Variants in DAB1 observed in about 807,000 individuals in gnomAD.
DAB1 encodes disabled homolog 1.
A neutral mutation model predicts 64.6 loss-of-function variants in DAB1; 15 were observed. The observed-to-expected ratio is 0.23, with a 90% confidence interval of 0.16 to 0.36. The LOEUF (loss-of-function observed/expected upper bound fraction) is 0.36, where lower values mean the gene tolerates loss of function less well. DAB1 is among the 10% of genes least tolerant of loss of function. The pLI is 1.00. For synonymous variants in DAB1, 235 were observed against 251.9 expected (o/e 0.93, Z 0.64); for missense variants, 596 against 706.7 (o/e 0.84, Z 1.78).
chr1:58,233,718 C>A (rs1416518464), intron 4 of DAB1, among the ~76,000 whole-genome samples: 2 of 152,188 alleles, frequency 1.3e-5, no homozygotes, highest in African/African-American at 4.8e-5. Context: ...TCCAGAAGGT[C>A]TGACTCCAAA....
intron 1 of DAB1, among the ~76,000 whole-genome samples, chr1:57,395,142 A>G (rs975323098): frequency 1.3e-5 from 2 of 152,140 alleles, no homozygotes; most frequent in Non-Finnish European, 2.9e-5. Context: ...CTCATGCCTC[A>G]GCCTCTTGAG....
chr1:58,129,803 C>T lies in DAB1; in HGVS notation n.387+20708G>A, dbSNP rs1170576175. On this transcript the variant is annotated intron_variant and non_coding_transcript_variant, in intron 5 of 20. Transcript: ENST00000485760. ...TTCTTAATCCTGAGTTCTGTTTGAT[C>T]GCACTGTGGTCTGAGAGATAGTTTG... Among the ~76,000 whole-genome samples the T allele has an allele frequency of 7.2e-5, 11 of 152,150 alleles. No individual in the cohort carries two copies. In the South Asian group the frequency reaches 1.0e-3, roughly 14 times the overall value.
At chr1:58,345,514 T>A (rs1226236017) in intron 3 of DAB1, among the ~76,000 whole-genome samples, 1 of 152,176 alleles carries the variant, frequency 6.6e-6, no homozygotes, top group Non-Finnish European at 1.5e-5. Context: ...GGGCTTCCCT[T>A]AACAGAACAA....
At chr1:57,098,175 C>A (rs1415390300) in intron 4 of DAB1, among the ~76,000 whole-genome samples, 1 of 152,142 alleles carries the variant, frequency 6.6e-6, no homozygotes, top group African/African-American at 2.4e-5. Context: ...TTTGATTATT[C>A]TTTACAACTT....
intron 5 of DAB1, among the ~76,000 whole-genome samples, chr1:58,145,251 T>C (rs1331869482): frequency 6.6e-6 from 1 of 152,212 alleles, no homozygotes; most frequent in Admixed American, 6.5e-5. Context: ...CTCATGGGAC[T>C]TTTTTGGGGC....
chr1:57,954,461 T>C (rs933320482), intron 5 of DAB1, among the ~76,000 whole-genome samples: 1 of 152,070 alleles, frequency 6.6e-6, no homozygotes, highest in Non-Finnish European at 1.5e-5. Context: ...GTCCAGGAGT[T>C]ACAATGATCA....
chr1:58,138,651 G>A (rs745986529), intron 5 of DAB1, among the ~76,000 whole-genome samples: 1 of 152,122 alleles, frequency 6.6e-6, no homozygotes, highest in Non-Finnish European at 1.5e-5. Flanking sequence ...GCCACTAAAG[G>A]TTTCTGAGTA....
At chr1:57,447,814 T>C (rs1238012408) in intron 7 of DAB1, among the ~76,000 whole-genome samples, 1 of 151,922 alleles carries the variant, frequency 6.6e-6, no homozygotes, top group Non-Finnish European at 1.5e-5. Context: ...CTCCTTTAGG[T>C]TGTGGTCAGA....
At chr1:58,197,675 T>C (rs571310613) in intron 4 of DAB1, among the ~76,000 whole-genome samples, 7 of 150,496 alleles carry the variant, frequency 4.7e-5, no homozygotes, top group Admixed American at 1.3e-4. Context: ...ATTACAGGCA[T>C]GAGCCACCAT....
intron 5 of DAB1, among the ~76,000 whole-genome samples, chr1:58,127,319 C>T (rs796870777): frequency 0.014 from 2,044 of 151,132 alleles, 52 homozygotes; most frequent in South Asian, 0.083. Context: ...TGTTTTTTTC[C>T]TGCAAATTTG....
intron 1 of DAB1, among the ~76,000 whole-genome samples, chr1:57,861,367 C>T (rs1432857759): frequency 1.3e-5 from 2 of 152,190 alleles, no homozygotes; most frequent in Non-Finnish European, 2.9e-5. Context: ...CTGATGAGGG[C>T]CCTCTTCTGG....
chr1:58,304,016 A>C (rs968407404), intron 4 of DAB1, among the ~76,000 whole-genome samples: 1 of 152,076 alleles, frequency 6.6e-6, no homozygotes, highest in Admixed American at 6.6e-5. Context: ...CAGTTTAGTA[A>C]AATTTTGATT....
intron 4 of DAB1, among the ~76,000 whole-genome samples, chr1:58,235,224 A>G (rs1659964130): frequency 6.6e-6 from 1 of 152,222 alleles, no homozygotes; most frequent in Admixed American, 6.5e-5. Context: ...GCATCCTGTG[A>G]AGGAAGTCTG....
intron 7 of DAB1, among the ~76,000 whole-genome samples, chr1:57,541,248 C>T (rs2101449532): frequency 6.6e-6 from 1 of 152,020 alleles, no homozygotes; most frequent in South Asian, 2.1e-4. Flanking sequence ...CCTGCCTCAG[C>T]CTCCCGAGTA....
At chr1:57,174,324 GT>G (rs1185571162) in intron 2 of DAB1, among the ~76,000 whole-genome samples, 1 of 152,218 alleles carries the variant, frequency 6.6e-6, no homozygotes, top group South Asian at 2.1e-4. Flanking sequence ...TCCCCTAGAA[GT>G]TATGCCAATC....
intron 4 of DAB1, among the ~76,000 whole-genome samples, chr1:58,190,756 T>C (rs1030680338): frequency 2.6e-5 from 4 of 152,196 alleles, no homozygotes; most frequent in Non-Finnish European, 4.4e-5. Context: ...GGAAACATCT[T>C]TGGAAATGCT....
chr1:57,175,314 A>C (rs932586576), intron 2 of DAB1, among the ~76,000 whole-genome samples: 3 of 134,686 alleles, frequency 2.2e-5, no homozygotes, highest in Admixed American at 2.1e-4. Context: ...TCAGACTTTA[A>C]ATTTTTTTTT....
chr1:58,230,575 AG>A (rs1659729574), intron 4 of DAB1, among the ~76,000 whole-genome samples: 1 of 152,218 alleles, frequency 6.6e-6, no homozygotes, highest in South Asian at 2.1e-4. Flanking sequence ...CAAAGGACAA[AG>A]GGGCACCCTC....
chr1:57,430,249 T>G (rs1173628846), intron 7 of DAB1, among the ~76,000 whole-genome samples: 1 of 152,218 alleles, frequency 6.6e-6, no homozygotes, highest in Non-Finnish European at 1.5e-5. Context: ...GATGATATTG[T>G]AAGTGGAATG....
Sources: allele counts gnomAD v4.1 joint callset (sites outside exome capture counted in the v4.1 genomes callset), GRCh38; gene constraint gnomAD v4.1.1; transcripts MANE v1.5; gene names NCBI Gene and HGNC (gene_info 2026-07-23, HGNC 2026-07-21).